Variants in ROBO2 observed in about 807,000 individuals in gnomAD.
The protein encoded by ROBO2 is roundabout guidance receptor 2, also known as roundabout homolog 2.
A neutral mutation model predicts 160.8 loss-of-function variants in ROBO2; 53 were observed. The observed-to-expected ratio is 0.33, with a 90% CI of 0.26 to 0.41. The LOEUF (loss-of-function observed/expected upper bound fraction) is 0.41, where lower values mean the gene tolerates loss of function less well. Among genes scored for constraint, ROBO2 ranks in the 10% least tolerant of loss-of-function variants. The probability of loss-of-function intolerance (pLI) is 1.00; values close to 1 mark genes in which losing one functional copy is unlikely to be tolerated. For missense variants in ROBO2, 1,577 were observed against 1,722.4 expected (o/e 0.92, Z 1.49); for synonymous variants, 664 against 611.7 (o/e 1.09, Z -1.26).
chr3:76,674,335 A>T (rs1421300881), intron 2 of ROBO2, among the ~76,000 whole-genome samples: 1 of 152,096 alleles, frequency 6.6e-6, no homozygotes, highest in Non-Finnish European at 1.5e-5. Context: ...TTGGAACGGC[A>T]CTAAACATGG....
intron 2 of ROBO2, among the ~76,000 whole-genome samples, chr3:76,968,879 T>C (rs1213019020): frequency 6.6e-6 from 1 of 152,182 alleles, no homozygotes; most frequent in African/African-American, 2.4e-5. Context: ...TTTACATTTT[T>C]CAAGAGTTGG....
In ROBO2 at chr3:76,288,506, T is replaced by G. The variant is rs1025660270; in HGVS notation, c.109+350904T>G. Among the ~76,000 whole-genome samples, 8 of 151,972 alleles carry G rather than the reference T, an allele frequency of 5.3e-5. No individual in the cohort carries two copies. The South Asian group carries it at 8.3e-4, about 16-fold the overall frequency. On this transcript the variant is annotated intron_variant, in intron 2 of 26. Coordinates refer to the ROBO2 transcript ENST00000487694. The stretch of plus-strand genomic sequence containing the variant: ...TCTTTTTTTTTTTTCATTTCCAACT[T>G]TTAGGTTCAGGGGATACATGTGCAG...
chr3:76,234,628 T>C (rs1037226218), intron 2 of ROBO2, among the ~76,000 whole-genome samples: 1 of 152,196 alleles, frequency 6.6e-6, no homozygotes, highest in African/African-American at 2.4e-5. Flanking sequence ...ATTTATTTAA[T>C]TACCGATGGA....
intron 2 of ROBO2, among the ~76,000 whole-genome samples, chr3:76,196,042 ACT>A (rs1702245589): frequency 6.6e-6 from 1 of 151,956 alleles, no homozygotes; most frequent in African/African-American, 2.4e-5. Context: ...ATGTGCACAC[ACT>A]CTTTGTCACA....
intron 2 of ROBO2, among the ~76,000 whole-genome samples, chr3:76,789,988 C>T (rs2063251440): frequency 6.6e-6 from 1 of 151,652 alleles, no homozygotes; most frequent in Non-Finnish European, 1.5e-5. Flanking sequence ...CTATATTTTA[C>T]ATGATTATCA....
intron 2 of ROBO2, among the ~76,000 whole-genome samples, chr3:76,371,627 T>C (rs80216857): frequency 6.6e-6 from 1 of 151,952 alleles, no homozygotes; most frequent in Non-Finnish European, 1.5e-5. Flanking sequence ...AGTATTTGAA[T>C]GAGACATATT....
chr3:76,739,629 A>T (rs113785929), intron 2 of ROBO2, among the ~76,000 whole-genome samples: 4,075 of 104,172 alleles, frequency 0.039, 92 homozygotes, highest in African/African-American at 0.07. Flanking sequence ...AAGTATAATT[A>T]AAAAAAAAAG....
intron 2 of ROBO2, among the ~76,000 whole-genome samples, chr3:76,676,641 C>A (rs972343233): frequency 7.2e-5 from 11 of 151,800 alleles, no homozygotes; most frequent in African/African-American, 2.4e-4. Flanking sequence ...GCCTTCTCTT[C>A]AATACCCAAG....
At chr3:76,900,000 T>A (rs2075102322) in intron 2 of ROBO2, among the ~76,000 whole-genome samples, 1 of 152,118 alleles carries the variant, frequency 6.6e-6, no homozygotes, top group East Asian at 1.9e-4. Context: ...TACAATAGAA[T>A]GACATTTATT....
At chr3:77,599,882 G>A (rs2094397695) in intron 19 of ROBO2, among the ~76,000 whole-genome samples, 1 of 152,132 alleles carries the variant, frequency 6.6e-6, no homozygotes, top group African/African-American at 2.4e-5. Context: ...AATCCCATAT[G>A]CTCCTGTCTT....
rs546710446 is a variant in ROBO2, at chr3:76,886,452, C to A, written c.110-211562C>A. Among the ~76,000 whole-genome samples, 9 of 151,974 alleles carry A rather than the reference C, an allele frequency of 5.9e-5. No homozygotes were observed. The South Asian group carries it at 1.2e-3, about 21-fold the overall frequency. On this transcript the variant is annotated intron_variant, in intron 2 of 26. Transcript: ENST00000487694. Reference sequence around the variant, plus strand: ...ACACAATAAAGATCAGTAAGCCCAGCTTCTGAGTTATGGTTCATGGTCTGA... The same window carrying A: ...ACACAATAAAGATCAGTAAGCCCAGATTCTGAGTTATGGTTCATGGTCTGA...
intron 2 of ROBO2, among the ~76,000 whole-genome samples, chr3:77,102,282 A>T (rs1045040576): frequency 2.1e-5 from 3 of 141,362 alleles, no homozygotes; most frequent in Non-Finnish European, 3.1e-5. Flanking sequence ...TCAGAAAATT[A>T]TTTAGTGTGT....
At chr3:76,966,659 C>G (rs185633631) in intron 2 of ROBO2, among the ~76,000 whole-genome samples, 257 of 152,296 alleles carry the variant, frequency 1.7e-3, no homozygotes, top group Middle Eastern at 3.4e-3. Context: ...TAAGTTTTCT[C>G]CTGCCAACTA....
At chr3:76,989,726 A>T (rs1046705969) in intron 2 of ROBO2, among the ~76,000 whole-genome samples, 1 of 152,170 alleles carries the variant, frequency 6.6e-6, no homozygotes, top group African/African-American at 2.4e-5. Context: ...GGTATTTATT[A>T]TAAGAAAACT....
intron 2 of ROBO2, among the ~76,000 whole-genome samples, chr3:76,064,564 T>C (rs1354836476): frequency 1.3e-5 from 2 of 152,216 alleles, no homozygotes; most frequent in African/African-American, 4.8e-5. Flanking sequence ...TACTAATATA[T>C]GATTAGCTCT....
intron 23 of ROBO2, chr3:77,629,076 C>T (rs181532439): frequency 1.3e-5 from 2 of 152,240 alleles, no homozygotes; most frequent in East Asian, 1.9e-4. Flanking sequence ...TAAGGACATA[C>T]AAGGAGCATT....
chr3:76,492,380 C>A (rs1476806823), intron 2 of ROBO2, among the ~76,000 whole-genome samples: 2 of 152,028 alleles, frequency 1.3e-5, no homozygotes, highest in African/African-American at 4.8e-5. Flanking sequence ...CTCCTTTTGA[C>A]CATGCATGTT....
rs551296667 is a variant in ROBO2, at chr3:77,271,473, T to A, written c.388+173133T>A. 1.3e-3 allele frequency among the ~76,000 whole-genome samples: 194 copies of A among 152,304 alleles called. 2 individuals carry two copies. In the Middle Eastern group the frequency reaches 0.014, roughly 11 times the overall value. The stretch of plus-strand genomic sequence containing the variant: ...GAAGTGAATTTGCCAAGCATTAGCC[T>A]AGGGTGTTTAGAAGTAACAGCTGAA... On this transcript the variant is annotated intron_variant, in intron 2 of 25. Transcript: ENST00000461745.
Position 77,126,700 on chromosome 3 carries a change from A to G in ROBO2, c.388+28360A>G, listed in dbSNP as rs550597850. On this transcript the variant is annotated intron_variant, in intron 2 of 25. Transcript: ENST00000461745. ...AGAAAAAGAAGGAATATGGGTGGAT[A>G]TATATATATATATTTTTTTTCCTTT... Among the ~76,000 whole-genome samples the G allele has an allele frequency of 4.2e-4, 61 of 146,910 alleles. 1 individual carries two copies. In the East Asian group the frequency reaches 9.9e-3, roughly 24 times the overall value.
Sources: gnomAD v4.1 joint callset for allele counts (sites outside exome capture counted in the v4.1 genomes callset) on GRCh38, gnomAD v4.1.1 for gene constraint, MANE v1.5 for transcripts, NCBI Gene and HGNC (gene_info 2026-07-23, HGNC 2026-07-21) for gene names.